CUBN: variants seen among roughly 807,000 people sequenced by gnomAD.
CUBN encodes the protein 460 kDa receptor.
In CUBN, 282 loss-of-function variants were observed where a neutral mutation model predicts 405.3. The ratio of observed to expected loss-of-function variants is 0.70; its 90% CI spans 0.63 to 0.77. The LOEUF is 0.77. CUBN is among the 30% of genes least tolerant of loss of function. CUBN has a pLI of 0.00. For synonymous variants in CUBN, 1,684 were observed against 1,617.0 expected (o/e 1.04, Z -0.99); for missense variants, 4,514 against 4,475.2 (o/e 1.01, Z -0.25).
intron 6 of CUBN, among the ~76,000 whole-genome samples, chr10:17,118,480 C>T (rs1279067522): frequency 6.6e-6 from 1 of 152,154 alleles, no homozygotes; most frequent in Non-Finnish European, 1.5e-5. Context: ...GTCTTGTGCC[C>T]AGGCGGAGTG....
intron 12 of CUBN, 70 bp downstream of exon 12, chr10:17,104,349 T>C (rs1836568362): frequency 2.9e-6 from 4 of 1,402,424 alleles, no homozygotes; most frequent in Non-Finnish European, 4.0e-6. Context: ...GAGGAATCTG[T>C]TGAGGGACTC....
chr10:16,854,109 A>G (rs1284005492), intron 59 of CUBN, among the ~76,000 whole-genome samples: 1 of 152,204 alleles, frequency 6.6e-6, no homozygotes, highest in Non-Finnish European at 1.5e-5. Context: ...CAACTGTTCC[A>G]AGGAGGAGGT....
intron 43 of CUBN, among the ~76,000 whole-genome samples, chr10:16,920,969 T>C (rs1323439866): frequency 2.0e-5 from 3 of 152,196 alleles, no homozygotes; most frequent in African/African-American, 7.2e-5. Flanking sequence ...GCAAATCCCT[T>C]TGATGAGCTC....
At chr10:16,966,655 G>A (rs925572870) in intron 31 of CUBN, among the ~76,000 whole-genome samples, 1 of 152,070 alleles carries the variant, frequency 6.6e-6, no homozygotes, top group Non-Finnish European at 1.5e-5. Context: ...CACCATGTTG[G>A]CCAGGCTGGT....
intron 27 of CUBN, 103 bp from the exon 28 acceptor site, chr10:17,020,086 T>A (rs1564482178): frequency 7.6e-7 from 1 of 1,323,510 alleles, no homozygotes; most frequent in African/African-American, 1.4e-5. Context: ...GTTCAAAAGT[T>A]AGAGGTAAAT....
chr10:16,947,890 G>A (rs982084668), intron 35 of CUBN, among the ~76,000 whole-genome samples: 1 of 152,178 alleles, frequency 6.6e-6, no homozygotes, highest in African/African-American at 2.4e-5. Context: ...TCCTCCCCAG[G>A]TTAGGGCTGC....
At chr10:17,021,689 ATT>A (rs1834506062) in intron 27 of CUBN, among the ~76,000 whole-genome samples, 1 of 152,232 alleles carries the variant, frequency 6.6e-6, no homozygotes, top group Non-Finnish European at 1.5e-5. Context: ...AAACATATTG[ATT>A]TGAGTGTGGA....
intron 54 of CUBN, among the ~76,000 whole-genome samples, chr10:16,890,841 C>T (rs958511725): frequency 2.6e-5 from 4 of 152,072 alleles, no homozygotes; most frequent in Admixed American, 6.6e-5. Flanking sequence ...CTGACCTAGC[C>T]GAGCTTCCCG....
chr10:16,841,448 A>G (rs1310142182), intron 60 of CUBN, among the ~76,000 whole-genome samples: 2 of 152,084 alleles, frequency 1.3e-5, no homozygotes, highest in African/African-American at 2.4e-5. Context: ...TCAAAATGTC[A>G]TCGAGAGGAT....
At chr10:16,864,487 T>G (rs1156567375) in intron 59 of CUBN, among the ~76,000 whole-genome samples, 2 of 152,118 alleles carry the variant, frequency 1.3e-5, no homozygotes, top group African/African-American at 4.8e-5. Flanking sequence ...ATTATCTGCT[T>G]TATCCCCATC....
At chr10:16,885,401 C>T (rs1840783745) in intron 56 of CUBN, among the ~76,000 whole-genome samples, 1 of 152,164 alleles carries the variant, frequency 6.6e-6, no homozygotes, top group African/African-American at 2.4e-5. Flanking sequence ...ATCAATCTAA[C>T]ATTATCTGAC....
At chr10:16,835,584 G>A (rs117671666) in intron 63 of CUBN, among the ~76,000 whole-genome samples, 174 of 149,072 alleles carry the variant, frequency 1.2e-3, no homozygotes, top group Non-Finnish European at 2.2e-3. Context: ...ATCCATTGTT[G>A]AGTTATTTGT....
chr10:17,052,845 A>G (rs1290316167), intron 22 of CUBN, among the ~76,000 whole-genome samples: 1 of 151,552 alleles, frequency 6.6e-6, no homozygotes, highest in African/African-American at 2.4e-5. Flanking sequence ...AGGTGAATTT[A>G]TAACACAGAG....
In CUBN at chr10:17,123,680, T is replaced by C. The variant is rs1183441142; in HGVS notation, c.397A>G (p.Lys133Glu). The C allele has an allele frequency of 1.2e-6, 2 of 1,613,532 alleles. No homozygotes were observed. The highest frequency in any genetic ancestry group is 3.3e-5 in the Admixed American group (2 of 59,976). The change falls in exon 5 of 67, where the codon AAA becomes GAA. Residue 133 changes from lysine (K) to glutamate (E), a missense_variant. Around this residue, in one of 5 missense-constraint regions of CUBN, gnomAD observed 1,448 missense variants for 1,388.0 expected, o/e 1.04. Transcript: ENST00000377833. ...CAAGGATTGCTGCTGCAAACCTTTT[T>C]GTCAACAGTCTGAAACAAAAACAGG... ...KFQGLQQTVD[K>E]KVCSSNPCQN...
rs1839135598 is a variant in CUBN at position 16,835,278 on chromosome 10, T to C, written c.10181-83A>G. The C allele has an allele frequency of 5.0e-6, 6 of 1,197,018 alleles. No homozygotes were observed. The East Asian group carries it at 1.2e-4, about 23-fold the overall frequency. The allele number at this position is 1,197,018 out of a possible 1,614,324, so 74.1% of individuals were successfully genotyped here. On this transcript the variant is annotated intron_variant, in intron 63 of 66. Coordinates refer to ENST00000377833, the MANE Select transcript of CUBN (RefSeq NM_001081.4). Reference sequence around the variant, plus strand: ...ACTTCACAGGAATCATTCAAAAAGATCATTGCATTTGATAAACTTTAGAAA... The same window carrying C: ...ACTTCACAGGAATCATTCAAAAAGACCATTGCATTTGATAAACTTTAGAAA...
intron 7 of CUBN, among the ~76,000 whole-genome samples, chr10:17,114,841 C>T (rs530600232): frequency 1.7e-4 from 26 of 152,232 alleles, no homozygotes; most frequent in Non-Finnish European, 3.4e-4. Flanking sequence ...CACATGTTGC[C>T]AACAAGACTG....
intron 4 of CUBN, among the ~76,000 whole-genome samples, chr10:17,125,897 T>C (rs993291193): frequency 2.0e-5 from 3 of 152,176 alleles, no homozygotes; most frequent in African/African-American, 7.2e-5. Flanking sequence ...GTCAATGTAT[T>C]ATCTAAGTGG....
chr10:17,061,390 T>A (rs1443053836), intron 22 of CUBN, among the ~76,000 whole-genome samples: 1 of 152,222 alleles, frequency 6.6e-6, no homozygotes, highest in Non-Finnish European at 1.5e-5. Flanking sequence ...GGGGCCCAGA[T>A]GCCTGAATTT....
chr10:16,901,418 T>C lies in CUBN; in HGVS notation c.8104A>G (p.Ser2702Gly). The change falls in exon 52 of 67, where the codon AGC (serine) becomes GGC (glycine). Residue 2702 changes from serine to glycine, a missense_variant. Coordinates refer to ENST00000377833, the MANE Select transcript of CUBN (RefSeq NM_001081.4). ...IQIGDSGVIT[S>G]PNYPNAYDSL... ...TCATAAGCATTTGGATAGTTGGGGC[T>C]TGTGATCACTCCACTGTCACCTATC... is the stretch of plus-strand genomic sequence containing the variant. 6.2e-7 allele frequency: 1 copy of C among 1,614,170 alleles called. No homozygotes were observed. Among genetic ancestry groups the C allele is most frequent in the Non-Finnish European group, 8.5e-7 (1 of 1,180,012 alleles).
Sources: gnomAD v4.1 joint callset for allele counts (sites outside exome capture counted in the v4.1 genomes callset) on GRCh38, gnomAD v4.1.1 for gene constraint, gnomAD v4.1.1 regional missense constraint, MANE v1.5 for transcripts, NCBI Gene and HGNC (gene_info 2026-07-23, HGNC 2026-07-21) for gene names.